The following TCTN1 variants were observed in gnomAD, a reference collection of about 807,000 sequenced individuals.
The protein encoded by TCTN1 is tectonic-1.
A neutral mutation model predicts 65.8 loss-of-function variants in TCTN1; 58 were observed. The observed-to-expected ratio is 0.88, with a 90% CI of 0.71 to 1.10. The LOEUF (loss-of-function observed/expected upper bound fraction) is 1.10, where lower values mean the gene tolerates loss of function less well. Ranked by LOEUF, TCTN1 falls within the 50% of genes least tolerant of loss-of-function variation. The pLI is 0.00. For missense variants in TCTN1, 645 were observed against 719.4 expected, an observed-to-expected ratio of 0.90 and a Z score of 1.18; for synonymous variants, 273 against 289.1, an observed-to-expected ratio of 0.94 and a Z score of 0.57.
In TCTN1 at chr12:110,619,849, T is replaced by C. The variant is rs772314385; in HGVS notation, c.234T>C (p.Cys78=). 5.6e-6 allele frequency: 9 copies of C among 1,614,096 alleles called. No homozygotes were observed. The highest frequency in any genetic ancestry group is 3.3e-5 in the Admixed American group (2 of 60,000). ...TTTTTTCTGCAGTTGCTGTTCTCTG[T>C]GTCTGTGACTTATCCCCAGCACAGT... ...PTPVTDVAVL[C]VCDLSPAQCD... is the part of the protein sequence containing the mutation. Residue 78 remains cysteine, a synonymous_variant, in exon 2 of 15, where the codon TGT becomes TGC. Coordinates refer to ENST00000397659, the MANE Select transcript of TCTN1 (RefSeq NM_001082538.3).
In TCTN1 at chr12:110,644,044, T is replaced by C. The variant is rs2067140653; in HGVS notation, c.1332-923T>C. On this transcript the variant is annotated intron_variant, in intron 11 of 14. Coordinates refer to ENST00000397659, the MANE Select transcript of TCTN1 (RefSeq NM_001082538.3). The surrounding 1 kb of genome is among the most constrained non-coding windows in gnomAD (Gnocchi z 4.6). The stretch of plus-strand genomic sequence containing the variant: ...AGGGAGAGGGTTCCATGGAATACAT[T>C]TCCACAAGACATCAGTAGGGGTAGG... 6.6e-6 allele frequency: 1 copy of C among 152,220 alleles called. No homozygotes were observed. The highest frequency in any genetic ancestry group is 1.5e-5 in the Non-Finnish European group (1 of 68,052). The allele number at this position is 152,220 out of a possible 1,614,324, so 9.4% of individuals were successfully genotyped here. A position where few individuals can be genotyped will look rare whatever the true frequency, so the allele number is the denominator to read the frequency against.
At chr12:110,630,239 T>C (rs2066145993) in intron 4 of TCTN1, 1 of 152,188 alleles carries the variant, frequency 6.6e-6, no homozygotes, top group Non-Finnish European at 1.5e-5. Flanking sequence ...AAAATAAAAC[T>C]GAATATTTGA....
intron 2 of TCTN1, 68 bp downstream of exon 2, chr12:110,620,024 GAA>G: frequency 6.2e-7 from 1 of 1,610,916 alleles, no homozygotes; most frequent in Non-Finnish European, 8.5e-7. Flanking sequence ...TGGAGAAAGG[GAA>G]AACTTTCCCA....
In TCTN1 at chr12:110,631,657, C is replaced by T. The variant is rs558311303; in HGVS notation, c.625-815C>T. Among the ~76,000 whole-genome samples, 11 of 152,136 alleles carry T rather than the reference C, an allele frequency of 7.2e-5. No homozygotes were observed. In the South Asian group the frequency reaches 1.9e-3, roughly 26 times the overall value. On this transcript the variant is annotated intron_variant, in intron 4 of 14. Transcript: ENST00000397659. ...TCAAAAACAAACAAACAAACAAAGC[C>T]AAAATATTATTTTCTGTGTATGTAT...
intron 12 of TCTN1, chr12:110,645,571 T>C: frequency 4.3e-6 from 1 of 234,162 alleles, no homozygotes; most frequent in Non-Finnish European, 8.6e-6. Context: ...AGACTGAGAC[T>C]GACTTCCGTG....
At chr12:110,618,852 G>A (rs1391449496) in intron 1 of TCTN1, among the ~76,000 whole-genome samples, 2 of 151,860 alleles carry the variant, frequency 1.3e-5, no homozygotes, top group East Asian at 1.9e-4. Context: ...GTTGCAAAGC[G>A]GCAAAGAAAA....
rs1249418863 is a variant in TCTN1 at position 110,639,042 on chromosome 12, T to G, written c.844-1341T>G. 4.6e-5 allele frequency among the ~76,000 whole-genome samples: 7 copies of G among 152,238 alleles called. No homozygotes were observed. Among genetic ancestry groups the G allele is most frequent in the African/African-American group, 1.7e-4 (7 of 41,466 alleles). On this transcript the variant is annotated intron_variant, in intron 7 of 14. Coordinates refer to ENST00000397659, the MANE Select transcript of TCTN1 (RefSeq NM_001082538.3). The surrounding 1 kb of genome is among the most constrained non-coding windows in gnomAD (Gnocchi z 4.9). ...TATGAGAGGTTTTGACTCGCAGGTCTTCTTGGTCATGGGAGCAGACACATA... is the reference window on the plus strand; with the variant it reads ...TATGAGAGGTTTTGACTCGCAGGTCGTCTTGGTCATGGGAGCAGACACATA...
chr12:110,642,098 T>C, intron 10 of TCTN1, 151 bp from the exon 11 acceptor site: 1 of 954,424 alleles, frequency 1.0e-6, no homozygotes, highest in Non-Finnish European at 1.6e-6. Flanking sequence ...AACTGTTTTT[T>C]TGCCTGCTCC....
At chr12:110,627,338 C>T (rs565694890) in intron 3 of TCTN1, among the ~76,000 whole-genome samples, 120 of 152,204 alleles carry the variant, frequency 7.9e-4, no homozygotes, top group Non-Finnish European at 1.5e-3. Context: ...CTTAAATGAT[C>T]CTCCTGCCTC....
chr12:110,639,275 C>T lies in TCTN1; in HGVS notation c.844-1108C>T, dbSNP rs1235777578. Among the ~76,000 whole-genome samples the T allele has an allele frequency of 6.6e-6, 1 of 152,166 alleles. No individual in the cohort carries two copies. The highest frequency in any genetic ancestry group is 1.9e-4 in the East Asian group (1 of 5,186). On this transcript the variant is annotated intron_variant, in intron 7 of 14. Coordinates refer to ENST00000397659, the MANE Select transcript of TCTN1 (RefSeq NM_001082538.3). The surrounding 1 kb of genome is among the most constrained non-coding windows in gnomAD (Gnocchi z 4.9). The stretch of plus-strand genomic sequence containing the variant: ...CCTATAGTACGAGGAGGCTCAGCTA[C>T]CTTTAGAGGATGGCTTGATGCCTTG...
At position 110,631,540 on chromosome 12, in the gene TCTN1, A is replaced by T. The variant is rs568516936; in HGVS notation, c.625-932A>T. Among the ~76,000 whole-genome samples the T allele has an allele frequency of 5.9e-5, 9 of 152,204 alleles. No individual in the cohort carries two copies. In the South Asian group the frequency reaches 1.9e-3, roughly 32 times the overall value. On this transcript the variant is annotated intron_variant, in intron 4 of 14. Transcript: ENST00000397659. ...TTCCAGCTACTTGGAAGGCTGAGGC[A>T]TGAGGATCGCTTGAACCCAGGAAGC...
chr12:110,632,847 A>G (rs2066324170), intron 5 of TCTN1, among the ~76,000 whole-genome samples: 1 of 152,104 alleles, frequency 6.6e-6, no homozygotes, highest in African/African-American at 2.4e-5. Context: ...GTGATGGGGA[A>G]CTGACTACCT....
At chr12:110,621,476 AT>A (rs879348737) in intron 2 of TCTN1, among the ~76,000 whole-genome samples, 343 of 139,566 alleles carry the variant, frequency 2.5e-3, no homozygotes, top group Middle Eastern at 7.4e-3. Flanking sequence ...ACTTGGGGCT[AT>A]TTTTTTTTTT....
chr12:110,634,535 A>C, intron 5 of TCTN1, 135 bp from the exon 6 acceptor site: 1 of 753,434 alleles, frequency 1.3e-6, no homozygotes. Context: ...AACAAACAAC[A>C]ACAAAATTGT....
At chr12:110,616,711 C>T (rs2065062501) in intron 1 of TCTN1, 1 of 152,266 alleles carries the variant, frequency 6.6e-6, no homozygotes, top group Non-Finnish European at 1.5e-5. Flanking sequence ...CTGTTATCCC[C>T]ATTTTTCAGG....
At chr12:110,618,056 G>C (rs2065166639) in intron 1 of TCTN1, among the ~76,000 whole-genome samples, 1 of 145,800 alleles carries the variant, frequency 6.9e-6, no homozygotes, top group South Asian at 2.2e-4. Flanking sequence ...TGTTAATTTT[G>C]TTTTTTGGCT....
chr12:110,638,986 G>A (rs939518067), intron 7 of TCTN1, among the ~76,000 whole-genome samples: 1 of 152,228 alleles, frequency 6.6e-6, no homozygotes, highest in African/African-American at 2.4e-5. Context: ...GACAGCTCAC[G>A]TCTTTGTTAC....
chr12:110,626,213 C>A, intron 2 of TCTN1, 149 bp from the exon 3 acceptor site: 1 of 937,318 alleles, frequency 1.1e-6, no homozygotes, highest in Non-Finnish European at 1.6e-6. Context: ...CTCAGCCTCC[C>A]AAGTAGCTGG....
chr12:110,640,254 C>A lies in TCTN1; in HGVS notation c.844-129C>A. 9.5e-7 allele frequency: 1 copy of A among 1,051,694 alleles called. No homozygotes were observed. The highest frequency in any genetic ancestry group is 1.5e-6 in the Non-Finnish European group (1 of 688,530). 65.1% of individuals were successfully genotyped at this position (1,051,694 alleles called of 1,614,324 possible). On this transcript the variant is annotated intron_variant, in intron 7 of 14. Coordinates refer to ENST00000397659, the MANE Select transcript of TCTN1 (RefSeq NM_001082538.3). The surrounding 1 kb of genome is among the most constrained non-coding windows in gnomAD (Gnocchi z 4.9). ...TTGCAAATGTGGATCATAGTATATA[C>A]ACTGTTGTGTAGCATGCTTCCCCCT... is the stretch of plus-strand genomic sequence containing the variant.
Sources: gnomAD v4.1 joint callset for allele counts (sites outside exome capture counted in the v4.1 genomes callset) on GRCh38, gnomAD v4.1.1 for gene constraint, Gnocchi (gnomAD v3.1) non-coding constraint, MANE v1.5 for transcripts, NCBI Gene and HGNC (gene_info 2026-07-23, HGNC 2026-07-21) for gene names.